The following DST variants were observed in gnomAD, a reference collection of about 807,000 sequenced individuals.
The protein encoded by DST is dystonin, also known as bullous pemphigoid antigen.
In DST, 253 loss-of-function variants were observed where a neutral mutation model predicts 875.2. The ratio of observed to expected loss-of-function variants is 0.29; its 90% confidence interval spans 0.26 to 0.32. DST has a LOEUF of 0.32. Ranked by LOEUF, DST falls within the 10% of genes least tolerant of loss-of-function variation. The probability of loss-of-function intolerance (pLI) is 1.00; values close to 1 mark genes in which losing one functional copy is unlikely to be tolerated. For missense variants in DST, 8,287 were observed against 9,111.6 expected (o/e 0.91, Z 3.68); for synonymous variants, 3,124 against 3,197.1 (o/e 0.98, Z 0.77).
chr6:56,555,426 T>G lies in DST; in HGVS notation c.15055A>C (p.Lys5019Gln). ...ALCEDLSALV[K>Q]EEYLKAELSR... ...AGTTCTGCTTTCAAGTACTCTTCTT[T>G]AACCAGTGCTGACAAATCCTCACAG... The change falls in exon 60 of 104, where the codon AAA (lysine) becomes CAA (glutamine). Residue 5019 changes from lysine (K) to glutamine (Q), a missense_variant. Physicochemically the swap from Lys to Gln is moderately conservative, Grantham distance 53 (BLOSUM62 1). Around this residue, in one of 10 missense-constraint regions of DST, gnomAD observed 1,513 missense variants for 1,677.8 expected, o/e 0.90. Coordinates refer to ENST00000680361, the MANE Select transcript of DST (RefSeq NM_001374736.1). The G allele has an allele frequency of 1.2e-6, 2 of 1,613,986 alleles. No individual in the cohort carries two copies. The highest frequency in any genetic ancestry group is 1.7e-6 in the Non-Finnish European group (2 of 1,179,882).
intron 9 of DST, among the ~76,000 whole-genome samples, chr6:56,685,639 G>C (rs1029047544): frequency 6.6e-6 from 1 of 152,150 alleles, no homozygotes; most frequent in Non-Finnish European, 1.5e-5. Context: ...AGGCGTGGTG[G>C]TGGATGTCTG....
At chr6:56,817,404 T>C (rs1306704929) in intron 4 of DST, among the ~76,000 whole-genome samples, 3 of 152,182 alleles carry the variant, frequency 2.0e-5, no homozygotes, top group Non-Finnish European at 4.4e-5. Context: ...AGACAAAAGA[T>C]GGTCATTAGA....
chr6:56,584,411 T>C (rs533199608), intron 49 of DST, among the ~76,000 whole-genome samples: 2 of 152,070 alleles, frequency 1.3e-5, no homozygotes, highest in African/African-American at 2.4e-5. Context: ...TATGGGTGTA[T>C]AGGAATGCTT....
Position 56,616,982 on chromosome 6 carries a change from A to T in DST, c.4930-2498T>A, listed in dbSNP as rs772176534. On this transcript the variant is annotated intron_variant, in intron 36 of 103. Coordinates refer to ENST00000680361, the MANE Select transcript of DST (RefSeq NM_001374736.1). ...AAATGCCAAAGCCACCATTTTGTCTATTATGATTCTCTCGGCCGCTGAGGC... is the reference window on the plus strand; with the variant it reads ...AAATGCCAAAGCCACCATTTTGTCTTTTATGATTCTCTCGGCCGCTGAGGC... 3.7e-6 allele frequency: 6 copies of T among 1,609,242 alleles called. No individual in the cohort carries two copies. The highest frequency in any genetic ancestry group is 2.2e-5 in the South Asian group (2 of 90,542).
chr6:56,615,261 A>G, intron 36 of DST: 1 of 1,275,670 alleles, frequency 7.8e-7, no homozygotes, highest in Non-Finnish European at 9.9e-7. Context: ...ACGTAAAAAA[A>G]AAAACATTTT....
intron 5 of DST, among the ~76,000 whole-genome samples, chr6:56,724,349 CTAAGA>C (rs2099436649): frequency 6.6e-6 from 1 of 152,158 alleles, no homozygotes; most frequent in Admixed American, 6.5e-5. Context: ...GTACTTAAAT[CTAAGA>C]TAAGAAATGT....
In DST at chr6:56,680,753, T is replaced by A. The variant is rs1683803393; in HGVS notation, c.1048-9946A>T. ...CACTCTCCTCACTCTCCCTGGATCA[T>A]CTCTACCACAATGGCTTTAACTGCC... On this transcript the variant is annotated intron_variant, in intron 9 of 103. Transcript: ENST00000680361. Among the ~76,000 whole-genome samples the A allele has an allele frequency of 2.0e-5, 3 of 152,154 alleles. No homozygotes were observed. The South Asian group carries it at 6.2e-4, about 32-fold the overall frequency.
In DST at chr6:56,771,305, G is replaced by A. The variant is rs191784524; in HGVS notation, c.626-36016C>T. Among the ~76,000 whole-genome samples, 615 of 151,980 alleles carry A rather than the reference G, an allele frequency of 4.0e-3. 2 individuals carry two copies. Among genetic ancestry groups the A allele is most frequent in the Non-Finnish European group, 6.6e-3 (448 of 67,960 alleles). On this transcript the variant is annotated intron_variant, in intron 4 of 103. Transcript: ENST00000680361. ...AAGTTCATAAATTCTTTAACACAGG[G>A]CCCCCAATTTAGGCTAATGATAATC...
At chr6:56,618,228 C>A (rs754859946) in intron 36 of DST, 2 of 1,614,186 alleles carry the variant, frequency 1.2e-6, no homozygotes, top group Admixed American at 3.3e-5. Flanking sequence ...AATTGGACTT[C>A]TTTGGGTATC....
rs769386960 is a variant in DST at position 56,601,525 on chromosome 6, A to C, written c.11459T>G (p.Leu3820Arg). The change falls in exon 44 of 104, where the codon CTT becomes CGT. Residue 3820 changes from leucine (L) to arginine (R), a missense_variant. Leu to Arg is a moderately radical substitution (Grantham distance 102). This residue lies in a region of DST where 3,138 missense variants were observed against 3,116.6 expected (regional missense o/e 1.01). Coordinates refer to ENST00000680361, the MANE Select transcript of DST (RefSeq NM_001374736.1). ...GGTAGTTACTGACTCCTGTACATCA[A>C]GAAAACACTTCTGAGTTGTATTTAA... ...RLLNTTQKCF[L>R]DVQESVTTQV... The C allele has an allele frequency of 6.2e-7, 1 of 1,606,588 alleles. No homozygotes were observed.
At chr6:56,735,660 A>G (rs558189806) in intron 4 of DST, among the ~76,000 whole-genome samples, 5 of 152,054 alleles carry the variant, frequency 3.3e-5, no homozygotes, top group Non-Finnish European at 7.4e-5. Context: ...CTTCACAGCC[A>G]TAAGAGGAAG....
At position 56,702,538 on chromosome 6, in the gene DST, CAT is replaced by C. The variant is rs2099313916; in HGVS notation, c.877-575_877-574del. On this transcript the variant is annotated intron_variant, in intron 7 of 103. Transcript: ENST00000680361. ...AGAAAGAGAGAAAACCAATTAAAAC[CAT>C]ATATTTCCTCTTTATTTTAGCTTTT... Among the ~76,000 whole-genome samples, 4 of 151,974 alleles carry C rather than the reference CAT, an allele frequency of 2.6e-5. No individual in the cohort carries two copies. In the South Asian group the frequency reaches 8.3e-4, roughly 32 times the overall value.
chr6:56,561,161 G>A, intron 57 of DST, 147 bp downstream of exon 57: 1 of 861,974 alleles, frequency 1.2e-6, no homozygotes, highest in Non-Finnish European at 1.7e-6. Flanking sequence ...TTTATAGAAA[G>A]GCACATTAAA....
At chr6:56,474,287 C>T (rs2095054663) in intron 92 of DST, 2 of 253,050 alleles carry the variant, frequency 7.9e-6, no homozygotes, top group South Asian at 5.0e-5. Flanking sequence ...AGTTTGAGAC[C>T]AGCCTGACCA....
In DST at chr6:56,603,961, G is replaced by A. The variant is rs754651881; in HGVS notation, c.10667C>T (p.Thr3556Ile). ...TCTTGGCAATGTTGATGCCCACACA[G>A]TAGAGCTTTCTAGTCCAATTTCTTT... ...TVKEIGLESSTVWASTLPRDE... is the reference protein window; with the variant it reads ...TVKEIGLESSIVWASTLPRDE... The change falls in exon 40 of 104, where the codon ACT becomes ATT. Residue 3556 changes from threonine to isoleucine, a missense_variant. By Grantham distance (89) the Thr-to-Ile change is moderately conservative. This residue lies in a region of DST where 3,138 missense variants were observed against 3,116.6 expected (regional missense o/e 1.01). Coordinates refer to ENST00000680361, the MANE Select transcript of DST (RefSeq NM_001374736.1). The A allele has an allele frequency of 6.2e-6, 10 of 1,611,064 alleles. No homozygotes were observed. The highest frequency in any genetic ancestry group is 6.8e-6 in the Non-Finnish European group (8 of 1,178,368).
intron 3 of DST, among the ~76,000 whole-genome samples, chr6:56,897,304 T>TGGG (rs200956256): frequency 6.0e-5 from 8 of 134,000 alleles, no homozygotes; most frequent in African/African-American, 1.9e-4. Flanking sequence ...TGGTTTTTTT[T>TGGG]TGGGGGGGGG....
At position 56,605,664 on chromosome 6, in the gene DST, T is replaced by C; in HGVS notation, c.8964A>G (p.Pro2988=). 6.2e-7 allele frequency: 1 copy of C among 1,613,038 alleles called. No individual in the cohort carries two copies. The highest frequency in any genetic ancestry group is 1.3e-5 in the African/African-American group (1 of 75,002). Residue 2988 remains proline (P), a synonymous_variant, in exon 40 of 104, where the codon CCA becomes CCG. Coordinates refer to ENST00000680361, the MANE Select transcript of DST (RefSeq NM_001374736.1). ...GKDEYFKNMT[P]KVDSSLDHII... ...TGTGATCAAGAGATGAGTCAACTTT[T>C]GGTGTCATATTCTTAAAATATTCAT...
intron 4 of DST, among the ~76,000 whole-genome samples, chr6:56,850,560 A>G (rs1458765881): frequency 6.6e-6 from 1 of 152,206 alleles, no homozygotes; most frequent in Non-Finnish European, 1.5e-5. Flanking sequence ...CCAAGGACAC[A>G]TTCCATCCTG....
chr6:56,591,944 T>G (rs1168170385), intron 49 of DST, among the ~76,000 whole-genome samples: 1 of 126,786 alleles, frequency 7.9e-6, no homozygotes, highest in Admixed American at 1.0e-4. Context: ...ATCACACTAC[T>G]GCACTCCAGC....
Sources: allele counts gnomAD v4.1 joint callset (sites outside exome capture counted in the v4.1 genomes callset), GRCh38; gene constraint gnomAD v4.1.1; regional missense constraint gnomAD v4.1.1; transcripts MANE v1.5; gene names NCBI Gene and HGNC (gene_info 2026-07-23, HGNC 2026-07-21).